Variants in NTRK3 observed in about 807,000 individuals in gnomAD.
NTRK3 encodes neurotrophic receptor tyrosine kinase 3, also known as NT-3 growth factor receptor.
A neutral mutation model predicts 91.7 loss-of-function variants in NTRK3; 24 were observed. The ratio of observed to expected loss-of-function variants is 0.26; its 90% CI spans 0.19 to 0.37. The LOEUF (loss-of-function observed/expected upper bound fraction) is 0.37, where lower values mean the gene tolerates loss of function less well. NTRK3 is among the 10% of genes least tolerant of loss of function. NTRK3 has a pLI of 1.00. For synonymous variants in NTRK3, 483 were observed against 404.0 expected, an observed-to-expected ratio of 1.20 and a Z score of -2.34; for missense variants, 880 against 1,068.9, an observed-to-expected ratio of 0.82 and a Z score of 2.46.
At chr15:87,967,280 C>T (rs1333244950) in intron 14 of NTRK3, among the ~76,000 whole-genome samples, 1 of 152,140 alleles carries the variant, frequency 6.6e-6, no homozygotes, top group Admixed American at 6.5e-5. Context: ...AACACTGTCA[C>T]CCACTTAGGA....
chr15:87,958,704 T>G (rs1464197035), intron 14 of NTRK3, among the ~76,000 whole-genome samples: 1 of 151,942 alleles, frequency 6.6e-6, no homozygotes, highest in Non-Finnish European at 1.5e-5. Flanking sequence ...CTGCCCCTTA[T>G]CCTGCTGGCA....
At chr15:88,061,199 C>T (rs1019602945) in intron 13 of NTRK3, among the ~76,000 whole-genome samples, 6 of 152,152 alleles carry the variant, frequency 3.9e-5, no homozygotes, top group Non-Finnish European at 7.3e-5. Flanking sequence ...AACAATAATT[C>T]ATTAGAGATG....
chr15:88,249,178 G>T (rs922197656), intron 3 of NTRK3, among the ~76,000 whole-genome samples: 4 of 152,156 alleles, frequency 2.6e-5, no homozygotes, highest in African/African-American at 9.7e-5. Context: ...AGGACTGGGG[G>T]CAGAGGTGAG....
At chr15:88,127,340 C>T (rs1226834667) in intron 11 of NTRK3, 114 bp from the exon 12 acceptor site, 3 of 851,906 alleles carry the variant, frequency 3.5e-6, no homozygotes, top group Non-Finnish European at 5.9e-6. Context: ...GCAGAACATC[C>T]TCTGAAAGCC....
intron 14 of NTRK3, among the ~76,000 whole-genome samples, chr15:87,945,148 G>C (rs1168700051): frequency 1.3e-5 from 2 of 152,194 alleles, no homozygotes; most frequent in Non-Finnish European, 2.9e-5. Context: ...CAAAAAAGGG[G>C]CTGCTGGAGA....
intron 14 of NTRK3, among the ~76,000 whole-genome samples, chr15:88,005,814 T>C (rs576335443): frequency 2.5e-4 from 38 of 152,236 alleles, no homozygotes; most frequent in African/African-American, 8.4e-4. Context: ...TTCAACAAAG[T>C]TTTTACCCTT....
chr15:88,208,775 A>G (rs2049000360), intron 3 of NTRK3, among the ~76,000 whole-genome samples: 1 of 152,190 alleles, frequency 6.6e-6, no homozygotes, highest in Non-Finnish European at 1.5e-5. Flanking sequence ...CTGCACATCA[A>G]AATCACCTAG....
intron 3 of NTRK3, among the ~76,000 whole-genome samples, chr15:88,187,332 A>T (rs2047022177): frequency 6.6e-6 from 1 of 152,144 alleles, no homozygotes; most frequent in Admixed American, 6.5e-5. Context: ...GAAGAGCAAG[A>T]GGATGAAGAT....
At chr15:88,076,672 TA>T (rs34053167) in intron 13 of NTRK3, among the ~76,000 whole-genome samples, 99,732 of 120,136 alleles carry the variant, frequency 0.83, 41,827 homozygotes, top group East Asian at 0.95. Context: ...TATACATATG[TA>T]AAAAAAAAAA....
At position 88,233,160 on chromosome 15, in the gene NTRK3, T is replaced by C. The variant is rs2051359253; in HGVS notation, c.248+22746A>G. Among the ~76,000 whole-genome samples the C allele has an allele frequency of 6.6e-6, 1 of 152,156 alleles. No individual in the cohort carries two copies. Among genetic ancestry groups the C allele is most frequent in the Admixed American group, 6.5e-5 (1 of 15,274 alleles). Reference sequence around the variant, plus strand: ...ATTTCGGAGCCACCCCAGGCTATTTTCCTCTGGAGCTAAAGCCTGAATAAG... The same window carrying C: ...ATTTCGGAGCCACCCCAGGCTATTTCCCTCTGGAGCTAAAGCCTGAATAAG... On this transcript the variant is annotated intron_variant, in intron 3 of 18. Coordinates refer to ENST00000394480, the Ensembl canonical transcript of NTRK3. The surrounding 1 kb of genome is among the most constrained non-coding windows in gnomAD (Gnocchi z 4.2).
chr15:88,173,935 C>T (rs7174045), intron 5 of NTRK3, among the ~76,000 whole-genome samples: 3,925 of 152,304 alleles, frequency 0.026, 166 homozygotes, highest in African/African-American at 0.089. Context: ...AAAATGGGGA[C>T]AACAATGATG....
intron 15 of NTRK3, 112 bp downstream of exon 15, chr15:87,940,511 A>C (rs2069726360): frequency 1.3e-6 from 2 of 1,543,772 alleles, no homozygotes; most frequent in East Asian, 2.2e-5. Flanking sequence ...CTTTGATTGC[A>C]TCTGAGAAAG....
At chr15:88,056,908 C>T (rs573436332) in intron 13 of NTRK3, among the ~76,000 whole-genome samples, 21 of 152,154 alleles carry the variant, frequency 1.4e-4, no homozygotes, top group Non-Finnish European at 2.5e-4. Flanking sequence ...CGGTGGCTCA[C>T]GCCTGTAATC....
intron 14 of NTRK3, among the ~76,000 whole-genome samples, chr15:87,990,564 C>T (rs77363453): frequency 0.03 from 4,492 of 152,226 alleles, 240 homozygotes; most frequent in African/African-American, 0.1. Context: ...AAAGCACAAA[C>T]TTATGGTACC....
chr15:88,117,939 G>A, intron 13 of NTRK3, among the ~76,000 whole-genome samples: 1 of 152,176 alleles, frequency 6.6e-6, no homozygotes, highest in Admixed American at 6.5e-5. Flanking sequence ...AGCACAGCTG[G>A]CTGAAGGATG....
chr15:88,113,744 A>C (rs2051717894), intron 13 of NTRK3, among the ~76,000 whole-genome samples: 1 of 152,176 alleles, frequency 6.6e-6, no homozygotes, highest in African/African-American at 2.4e-5. Flanking sequence ...ATTCATTTAC[A>C]TATTGGCTAT....
chr15:88,178,524 A>G (rs1410150690), intron 5 of NTRK3, among the ~76,000 whole-genome samples: 1 of 152,180 alleles, frequency 6.6e-6, no homozygotes, highest in Non-Finnish European at 1.5e-5. Flanking sequence ...TCTCCCAGCT[A>G]AAGATTGAGT....
chr15:88,041,327 G>A (rs1567277242), intron 13 of NTRK3, among the ~76,000 whole-genome samples: 1 of 152,248 alleles, frequency 6.6e-6, no homozygotes, highest in East Asian at 1.9e-4. Context: ...AGGGTTGGGG[G>A]GCAGCAATCT....
chr15:87,954,330 C>T (rs1220841091), intron 14 of NTRK3, among the ~76,000 whole-genome samples: 2 of 152,206 alleles, frequency 1.3e-5, no homozygotes, highest in East Asian at 1.9e-4. Flanking sequence ...TCTCTAAGTA[C>T]TTACTCATTT....
Sources: allele counts gnomAD v4.1 joint callset (sites outside exome capture counted in the v4.1 genomes callset), GRCh38; gene constraint gnomAD v4.1.1; non-coding constraint Gnocchi (gnomAD v3.1); transcripts MANE v1.5; gene names NCBI Gene and HGNC (gene_info 2026-07-23, HGNC 2026-07-21).